Variants in NR1I2 observed in about 807,000 individuals in gnomAD.
NR1I2 encodes the protein nuclear receptor subfamily 1 group I member 2.
A neutral mutation model predicts 43.3 loss-of-function variants in NR1I2; 42 were observed. That is an observed-to-expected ratio of 0.97 (90% CI 0.76 to 1.26). The LOEUF (loss-of-function observed/expected upper bound fraction) is 1.26, where lower values mean the gene tolerates loss of function less well. NR1I2 is among the 50% of genes most tolerant of loss of function. The probability of loss-of-function intolerance (pLI) is 0.00; values close to 1 mark genes in which losing one functional copy is unlikely to be tolerated. For missense variants in NR1I2, 559 were observed against 566.7 expected, an observed-to-expected ratio of 0.99 and a Z score of 0.14; for synonymous variants, 229 against 215.0, an observed-to-expected ratio of 1.06 and a Z score of -0.57.
chr3:119,792,659 A>G (rs958735309), intron 1 of NR1I2: 3 of 546,060 alleles, frequency 5.5e-6, no homozygotes, highest in African/African-American at 1.9e-5. Context: ...GTGAAATTTC[A>G]TGATTGGCTT....
intron 1 of NR1I2, among the ~76,000 whole-genome samples, chr3:119,804,767 TAC>T (rs1228678467): frequency 2.6e-5 from 4 of 152,148 alleles, no homozygotes; most frequent in African/African-American, 9.6e-5. Flanking sequence ...ATTTCTACCA[TAC>T]ATCTGTGTTT....
At chr3:119,800,342 T>A (rs937744808) in intron 1 of NR1I2, among the ~76,000 whole-genome samples, 6 of 152,250 alleles carry the variant, frequency 3.9e-5, no homozygotes, top group African/African-American at 1.4e-4. Context: ...TTATGACCCA[T>A]CAATCTCTAT....
In NR1I2 at chr3:119,807,281, C is replaced by T. The variant is rs761442741; in HGVS notation, c.31C>T (p.His11Tyr). ...GGTGAGACCCAAAGAAAGCTGGAAC[C>T]ATGCTGACTTTGTACACTGTGAGGA... Residue 11 changes from histidine (H) to tyrosine (Y), a missense_variant, in exon 2 of 9, where the codon CAT (histidine) becomes TAT (tyrosine). This residue lies in a region of NR1I2 where 232 missense variants were observed against 236.6 expected (regional missense o/e 0.98). Transcript: ENST00000393716. 5.8e-5 allele frequency: 94 copies of T among 1,614,204 alleles called. No individual in the cohort carries two copies. The South Asian group carries it at 1.0e-3, about 18-fold the overall frequency.
chr3:119,785,023 T>C (rs2054825490), intron 1 of NR1I2, among the ~76,000 whole-genome samples: 1 of 152,258 alleles, frequency 6.6e-6, no homozygotes, highest in African/African-American at 2.4e-5. Flanking sequence ...CTATATATAG[T>C]AAGAGTTTTG....
intron 1 of NR1I2, among the ~76,000 whole-genome samples, chr3:119,803,665 C>T (rs2107964680): frequency 6.6e-6 from 1 of 152,306 alleles, no homozygotes; most frequent in East Asian, 1.9e-4. Flanking sequence ...GGTATCTGTT[C>T]CATCCCATAT....
chr3:119,782,464 A>C (rs1363323438), intron 1 of NR1I2, among the ~76,000 whole-genome samples, 164 bp downstream of exon 1: 3 of 152,104 alleles, frequency 2.0e-5, no homozygotes, highest in Non-Finnish European at 4.4e-5. Flanking sequence ...AGGGTGGAAA[A>C]AAAAAAGCAT....
At chr3:119,792,429 G>A (rs2054932847) in intron 1 of NR1I2, 1 of 1,193,044 alleles carries the variant, frequency 8.4e-7, no homozygotes, top group Non-Finnish European at 1.2e-6. Context: ...GCCACTGCAG[G>A]GGACGGCCTG....
At chr3:119,799,495 T>C (rs1448741998) in intron 1 of NR1I2, among the ~76,000 whole-genome samples, 1 of 152,244 alleles carries the variant, frequency 6.6e-6, no homozygotes, top group African/African-American at 2.4e-5. Flanking sequence ...TCTACTTTCT[T>C]AATAGTGTAG....
intron 1 of NR1I2, among the ~76,000 whole-genome samples, chr3:119,787,471 A>G (rs2054857158): frequency 6.6e-6 from 1 of 152,156 alleles, no homozygotes; most frequent in Admixed American, 6.5e-5. Flanking sequence ...GTAATTTTGA[A>G]ATCATTTTGT....
rs143248610 is a variant in NR1I2, at chr3:119,795,422, A to G, written c.-22-11807A>G. On this transcript the variant is annotated intron_variant, in intron 1 of 8. Coordinates refer to ENST00000393716, the MANE Select transcript of NR1I2 (RefSeq NM_003889.4). ...CCCTGCCTCCCTTGTTTAGGACCACACAGCACTGCTGGGTGTCTGCCTTTC... is the reference window on the plus strand; with the variant it reads ...CCCTGCCTCCCTTGTTTAGGACCACGCAGCACTGCTGGGTGTCTGCCTTTC... Among the ~76,000 whole-genome samples, 25 of 152,276 alleles carry G rather than the reference A, an allele frequency of 1.6e-4. No individual in the cohort carries two copies. In the East Asian group the frequency reaches 4.4e-3, roughly 27 times the overall value.
intron 3 of NR1I2, 196 bp downstream of exon 3, chr3:119,810,390 A>C: frequency 1.3e-6 from 1 of 742,190 alleles, no homozygotes; most frequent in Non-Finnish European, 2.2e-6. Context: ...TGGGAGATGG[A>C]GGGAGTCGGT....
intron 1 of NR1I2, among the ~76,000 whole-genome samples, chr3:119,794,274 C>T (rs1332144861): frequency 1.3e-5 from 2 of 151,980 alleles, no homozygotes; most frequent in Non-Finnish European, 2.9e-5. Context: ...CTCACTGCAG[C>T]CTCGACCTCC....
intron 5 of NR1I2, among the ~76,000 whole-genome samples, chr3:119,813,654 A>G (rs560984696): frequency 4.6e-5 from 7 of 152,300 alleles, no homozygotes; most frequent in African/African-American, 1.7e-4. Context: ...GGTTGAGGGT[A>G]GGTTATACTC....
chr3:119,809,826 C>G (rs2055212052), intron 2 of NR1I2, among the ~76,000 whole-genome samples: 1 of 152,130 alleles, frequency 6.6e-6, no homozygotes. Flanking sequence ...CATTTCCTGC[C>G]GGAATGGCCA....
intron 1 of NR1I2, among the ~76,000 whole-genome samples, chr3:119,805,417 G>A (rs961944059): frequency 5.3e-5 from 8 of 152,170 alleles, no homozygotes; most frequent in Non-Finnish European, 4.4e-5. Context: ...CTGGCCAGAC[G>A]CGGTGGCTCA....
rs544494875 is a variant in NR1I2 at position 119,803,860 on chromosome 3, C to G, written c.-22-3369C>G. ...GCAACCTCTGCCTCCCAGGTTCAAG[C>G]GATTCTCATGCCTCAGCCTCCCAAG... On this transcript the variant is annotated intron_variant, in intron 1 of 8. Transcript: ENST00000393716. Among the ~76,000 whole-genome samples, 8 of 152,010 alleles carry G rather than the reference C, an allele frequency of 5.3e-5. No homozygotes were observed. In the East Asian group the frequency reaches 1.4e-3, roughly 26 times the overall value.
At chr3:119,814,915 G>A in intron 5 of NR1I2, 64 bp from the exon 6 acceptor site, 3 of 1,605,772 alleles carry the variant, frequency 1.9e-6, no homozygotes, top group South Asian at 1.1e-5. Flanking sequence ...TGGGATGGCT[G>A]CTGGTGCCGG....
intron 1 of NR1I2, among the ~76,000 whole-genome samples, chr3:119,796,998 A>G (rs998483990): frequency 6.6e-6 from 1 of 152,182 alleles, no homozygotes; most frequent in Non-Finnish European, 1.5e-5. Flanking sequence ...AATGCCCACT[A>G]TATCTCCAGC....
chr3:119,813,440 G>A (rs2055273240), intron 5 of NR1I2, among the ~76,000 whole-genome samples: 1 of 152,184 alleles, frequency 6.6e-6, no homozygotes, highest in Non-Finnish European at 1.5e-5. Context: ...AGATGTGGAG[G>A]CAACAACCAT....
Sources: allele counts gnomAD v4.1 joint callset (sites outside exome capture counted in the v4.1 genomes callset), GRCh38; gene constraint gnomAD v4.1.1; regional missense constraint gnomAD v4.1.1; transcripts MANE v1.5; gene names NCBI Gene and HGNC (gene_info 2026-07-23, HGNC 2026-07-21).